Variants in MATN2 observed in about 807,000 individuals in gnomAD.
MATN2 encodes matrilin 2.
MATN2 carries 69 observed loss-of-function variants against 103.2 expected under a neutral mutation model. The ratio of observed to expected loss-of-function variants is 0.67; its 90% CI spans 0.55 to 0.82. The LOEUF is 0.82. Ranked by LOEUF, MATN2 falls within the 40% of genes least tolerant of loss-of-function variation. MATN2 has a pLI of 0.00. For missense variants in MATN2, 1,023 were observed against 1,211.5 expected (o/e 0.84, Z 2.31); for synonymous variants, 429 against 450.2 (o/e 0.95, Z 0.60).
At position 97,947,577 on chromosome 8, in the gene MATN2, GAA is replaced by G. The variant is rs1457570927; in HGVS notation, c.835+5682_835+5683del. 3.3e-5 allele frequency among the ~76,000 whole-genome samples: 5 copies of G among 151,986 alleles called. No homozygotes were observed. In the East Asian group the frequency reaches 9.6e-4, roughly 29 times the overall value. On this transcript the variant is annotated intron_variant, in intron 4 of 18. Coordinates refer to ENST00000254898, the MANE Select transcript of MATN2 (RefSeq NM_002380.5). ...TAAAGATGTGTATGATTTACACATTGAAAAATATAAAAGATTTCTGAGATTAA... is the reference window on the plus strand; with the variant it reads ...TAAAGATGTGTATGATTTACACATTGAAATATAAAAGATTTCTGAGATTAA...
At chr8:98,004,181 G>A (rs10955145) in intron 8 of MATN2, 85,093 of 192,032 alleles carry the variant, frequency 0.44, 20,314 homozygotes, top group Non-Finnish European at 0.53. Context: ...CCAGCTACTC[G>A]GGAGGCTGAA....
rs1812503220 is a variant in MATN2, at chr8:97,994,536, G to C, written c.1138G>C (p.Asp380His). 6.2e-7 allele frequency: 1 copy of C among 1,613,734 alleles called. No homozygotes were observed. Among genetic ancestry groups the C allele is most frequent in the East Asian group, 2.2e-5 (1 of 44,858 alleles). Residue 380 changes from aspartate (D) to histidine (H), a missense_variant, in exon 7 of 19, where the codon GAT (aspartate) becomes CAT (histidine). Coordinates refer to ENST00000254898, the MANE Select transcript of MATN2 (RefSeq NM_002380.5). ...HGCQHECVNTDDSYSCHCLKG... is the reference protein window; with the variant it reads ...HGCQHECVNTHDSYSCHCLKG... ...ATGTCAGCACGAGTGTGTTAACACAGATGATTCCTATTCCTGCCACTGCCT... is the reference window on the plus strand; with the variant it reads ...ATGTCAGCACGAGTGTGTTAACACACATGATTCCTATTCCTGCCACTGCCT...
chr8:98,011,338 G>T (rs1377922306), intron 10 of MATN2, among the ~76,000 whole-genome samples: 1 of 137,892 alleles, frequency 7.3e-6, no homozygotes, highest in South Asian at 2.1e-4. Context: ...CAGGGAGTAG[G>T]GGGAGGGGAC....
chr8:97,947,497 A>G (rs767665180), intron 4 of MATN2, among the ~76,000 whole-genome samples: 24 of 152,254 alleles, frequency 1.6e-4, no homozygotes, highest in Non-Finnish European at 2.6e-4. Flanking sequence ...AGAAATTGAG[A>G]TTTTAAAATA....
At position 97,876,981 on chromosome 8, in the gene MATN2, G is replaced by A. The variant is rs187116253; in HGVS notation, c.-27+7694G>A. Reference sequence around the variant, plus strand: ...TTTTTCTGTACTATTGTTAAGGGCTGTTGAGATTGTTTCCATTCACACTTC... The same window carrying A: ...TTTTTCTGTACTATTGTTAAGGGCTATTGAGATTGTTTCCATTCACACTTC... On this transcript the variant is annotated intron_variant, in intron 1 of 18. Transcript: ENST00000254898. Among the ~76,000 whole-genome samples, 632 of 146,766 alleles carry A rather than the reference G, an allele frequency of 4.3e-3. 2 individuals are homozygous for A. Among genetic ancestry groups the A allele is most frequent in the Middle Eastern group, 0.018 (5 of 278 alleles).
intron 12 of MATN2, 101 bp downstream of exon 12, chr8:98,018,217 C>T (rs758604759): frequency 1.1e-5 from 16 of 1,468,094 alleles, no homozygotes; most frequent in Non-Finnish European, 1.4e-5. Context: ...ACCACTGTCA[C>T]AAGTGTCAGT....
At chr8:97,985,106 C>T (rs533808801) in intron 6 of MATN2, among the ~76,000 whole-genome samples, 1 of 152,272 alleles carries the variant, frequency 6.6e-6, no homozygotes, top group African/African-American at 2.4e-5. Context: ...GTTTATTTGG[C>T]TCATGATTCT....
At position 98,003,788 on chromosome 8, in the gene MATN2, G is replaced by T. The variant is rs1812865773; in HGVS notation, c.1327+5G>T. The T allele has an allele frequency of 6.2e-7, 1 of 1,613,512 alleles. No homozygotes were observed. On this transcript the variant is annotated splice_donor_5th_base_variant and intron_variant, in intron 8 of 18. Transcript: ENST00000254898. ...CCAATGGCAAAACCTGCAGCCGTGA[G>T]TGTACCCTAGGGGTGGGGTGCTGAT...
intron 2 of MATN2, among the ~76,000 whole-genome samples, chr8:97,916,671 T>C (rs1369210921): frequency 6.6e-6 from 1 of 152,234 alleles, no homozygotes; most frequent in Non-Finnish European, 1.5e-5. Flanking sequence ...AGAAAAAGAC[T>C]GTTTGTATAG....
At chr8:98,030,859 C>T (rs1813990406) in intron 15 of MATN2, among the ~76,000 whole-genome samples, 1 of 152,060 alleles carries the variant, frequency 6.6e-6, no homozygotes, top group Non-Finnish European at 1.5e-5. Context: ...GATGAGGTTT[C>T]ACCATGTTGG....
chr8:97,881,217 A>G (rs1163211206), intron 1 of MATN2, among the ~76,000 whole-genome samples: 1 of 152,140 alleles, frequency 6.6e-6, no homozygotes, highest in African/African-American at 2.4e-5. Flanking sequence ...GATCTTGCCA[A>G]TGGTCTGGTT....
chr8:97,979,118 G>T (rs923360751), intron 6 of MATN2, 110 bp downstream of exon 6: 1 of 1,297,610 alleles, frequency 7.7e-7, no homozygotes, highest in African/African-American at 1.5e-5. Context: ...TATGTCATGG[G>T]GGTCTAATAC....
chr8:97,944,074 C>T (rs1051831780), intron 4 of MATN2, among the ~76,000 whole-genome samples: 1 of 152,132 alleles, frequency 6.6e-6, no homozygotes, highest in African/African-American at 2.4e-5. Flanking sequence ...GCAGACCCTG[C>T]CTGGACTTCA....
At chr8:98,006,581 A>G (rs549067508) in intron 8 of MATN2, among the ~76,000 whole-genome samples, 2 of 152,316 alleles carry the variant, frequency 1.3e-5, no homozygotes, top group Admixed American at 1.3e-4. Context: ...CATTCTAAGC[A>G]CTACTCTATT....
chr8:97,901,371 G>C (rs1027224109), intron 2 of MATN2, among the ~76,000 whole-genome samples: 3 of 151,958 alleles, frequency 2.0e-5, no homozygotes, highest in African/African-American at 7.3e-5. Context: ...TGCTGCCTCA[G>C]CCTGCTGAAT....
At position 97,891,784 on chromosome 8, in the gene MATN2, T is replaced by A. The variant is rs539663297; in HGVS notation, c.142+3542T>A. The stretch of plus-strand genomic sequence containing the variant: ...TAACAATAATAAAATCAGAATGTGT[T>A]AACAAACTATATATGTATAAAAAAC... On this transcript the variant is annotated intron_variant, in intron 2 of 18. Coordinates refer to ENST00000254898, the MANE Select transcript of MATN2 (RefSeq NM_002380.5). Among the ~76,000 whole-genome samples the A allele has an allele frequency of 2.6e-5, 4 of 152,318 alleles. No homozygotes were observed. The South Asian group carries it at 8.3e-4, about 32-fold the overall frequency.
At chr8:98,032,594 C>T (rs1165350229) in intron 16 of MATN2, among the ~76,000 whole-genome samples, 2 of 151,882 alleles carry the variant, frequency 1.3e-5, no homozygotes, top group Non-Finnish European at 2.9e-5. Context: ...TGCAGTGGTA[C>T]GATTTCAGCT....
rs58039452 is a variant in MATN2 at position 97,988,189 on chromosome 8, T to TACACACAC, written c.1082-6285_1082-6278dup. Among the ~76,000 whole-genome samples the TACACACAC allele has an allele frequency of 4.2e-3, 229 of 54,340 alleles. 2 individuals are homozygous for TACACACAC. The highest frequency in any genetic ancestry group is 6.8e-3 in the Non-Finnish European group (181 of 26,780). The allele number at this position is 54,340 out of a possible 152,430, so 35.6% of individuals were successfully genotyped here. A position where few individuals can be genotyped will look rare whatever the true frequency, so the allele number is the denominator to read the frequency against. ...AAAAAAAAATATATATATATATATA[T>TACACACAC]ACACACACACACATATGTATACACA... On this transcript the variant is annotated intron_variant, in intron 6 of 18. Coordinates refer to ENST00000254898, the MANE Select transcript of MATN2 (RefSeq NM_002380.5).
At chr8:97,961,869 CA>C (rs1454709639) in intron 5 of MATN2, among the ~76,000 whole-genome samples, 1 of 152,132 alleles carries the variant, frequency 6.6e-6, no homozygotes, top group Admixed American at 6.5e-5. Context: ...ATATATAGCT[CA>C]GGTGTTATAC....
Sources: allele counts gnomAD v4.1 joint callset (sites outside exome capture counted in the v4.1 genomes callset), GRCh38; gene constraint gnomAD v4.1.1; transcripts MANE v1.5; gene names NCBI Gene and HGNC (gene_info 2026-07-23, HGNC 2026-07-21).